The following CNBD1 variants were observed in gnomAD, a reference collection of about 807,000 sequenced individuals.
CNBD1 encodes the protein cyclic nucleotide binding domain containing 1.
In CNBD1, 71 loss-of-function variants were observed where a neutral mutation model predicts 54.4. That is an observed-to-expected ratio of 1.30 (90% CI 1.08 to 1.59). The LOEUF is 1.59. Among genes scored for constraint, CNBD1 ranks in the 40% most tolerant of loss-of-function variants. The probability of loss-of-function intolerance (pLI) is 0.00; values close to 1 mark genes in which losing one functional copy is unlikely to be tolerated. For synonymous variants in CNBD1, 182 were observed against 170.7 expected (o/e 1.07, Z -0.51); for missense variants, 659 against 518.0 (o/e 1.27, Z -2.64).
chr8:87,110,651 G>A (rs1009446115), intron 4 of CNBD1, among the ~76,000 whole-genome samples: 40 of 152,300 alleles, frequency 2.6e-4, no homozygotes, highest in African/African-American at 9.6e-4. Flanking sequence ...CCGAGTACAT[G>A]CCACTTCTGT....
At chr8:87,052,377 C>T (rs965382308) in intron 4 of CNBD1, among the ~76,000 whole-genome samples, 13 of 152,158 alleles carry the variant, frequency 8.5e-5, no homozygotes, top group East Asian at 3.9e-4. Context: ...GTAAAGCTTC[C>T]CTCAGACTTT....
At chr8:87,038,932 A>T (rs1810005470) in intron 4 of CNBD1, among the ~76,000 whole-genome samples, 1 of 152,124 alleles carries the variant, frequency 6.6e-6, no homozygotes, top group Admixed American at 6.5e-5. Context: ...GCTGCCTCTG[A>T]TTCTTAAGCT....
intron 4 of CNBD1, among the ~76,000 whole-genome samples, chr8:87,054,466 T>C (rs1367600461): frequency 6.6e-6 from 1 of 152,142 alleles, no homozygotes; most frequent in Non-Finnish European, 1.5e-5. Flanking sequence ...TCTTGGAATC[T>C]CCCTGTTTCA....
chr8:86,886,736 C>A (rs920948111), intron 1 of CNBD1, among the ~76,000 whole-genome samples: 8 of 152,142 alleles, frequency 5.3e-5, no homozygotes, highest in Non-Finnish European at 1.2e-4. Flanking sequence ...CATTAAACCA[C>A]TGATTTTCTC....
chr8:87,162,431 G>A (rs530428946), intron 4 of CNBD1, among the ~76,000 whole-genome samples: 2 of 152,110 alleles, frequency 1.3e-5, no homozygotes, highest in African/African-American at 2.4e-5. Context: ...ATCTGCATAA[G>A]TTGGAGAAAT....
At chr8:87,421,095 TA>T (rs1807926381) in intron 2 of CNBD1, among the ~76,000 whole-genome samples, 1 of 152,074 alleles carries the variant, frequency 6.6e-6, no homozygotes. Context: ...AGTAGATAGA[TA>T]TTTTTTCAAT....
intron 3 of CNBD1, among the ~76,000 whole-genome samples, chr8:86,923,642 C>T (rs1174318960): frequency 6.6e-6 from 1 of 152,138 alleles, no homozygotes; most frequent in African/African-American, 2.4e-5. Context: ...TGCCTCCAGA[C>T]CCCATTCTCC....
At chr8:87,370,708 C>T (rs1017886266) in intron 10 of CNBD1, among the ~76,000 whole-genome samples, 1 of 150,052 alleles carries the variant, frequency 6.7e-6, no homozygotes. Flanking sequence ...GTTTCTTTTG[C>T]TGTGCAGAAG....
At chr8:86,898,203 T>TGACAC (rs1433464343) in intron 2 of CNBD1, among the ~76,000 whole-genome samples, 1 of 152,148 alleles carries the variant, frequency 6.6e-6, no homozygotes, top group East Asian at 1.9e-4. Flanking sequence ...CACTGAAATG[T>TGACAC]ATATAAAGAC....
rs1276406016 is a variant in CNBD1, at chr8:87,226,259, T to A, written c.578-10660T>A. On this transcript the variant is annotated intron_variant, in intron 5 of 10. Coordinates refer to ENST00000518476, the MANE Select transcript of CNBD1 (RefSeq NM_173538.3). ...ATTTCCTTCAGTTCTGCTCTGATTT[T>A]AGTTATTTCTTGCCTTCTGCTAGCT... Among the ~76,000 whole-genome samples, 11 of 151,536 alleles carry A rather than the reference T, an allele frequency of 7.3e-5. No individual in the cohort carries two copies. The East Asian group carries it at 2.1e-3, about 29-fold the overall frequency.
In CNBD1 at chr8:87,335,635, CA is replaced by C. The variant is rs533598930; in HGVS notation, c.1043-16048del. Among the ~76,000 whole-genome samples the C allele has an allele frequency of 9.2e-5, 14 of 152,130 alleles. No homozygotes were observed. In the South Asian group the frequency reaches 2.9e-3, roughly 32 times the overall value. ...GAGGGGTCTCTTGAATATAGCACAC[CA>C]ATGGGTCTTGACTCTTTATCCAATT... On this transcript the variant is annotated intron_variant, in intron 8 of 10. Transcript: ENST00000518476.
chr8:86,904,238 T>C (rs1014574652), intron 2 of CNBD1, among the ~76,000 whole-genome samples: 1 of 152,072 alleles, frequency 6.6e-6, no homozygotes. Context: ...CTAAGATGTT[T>C]GTCAGTGTTC....
At chr8:87,119,957 A>ATG (rs1246718995) in intron 4 of CNBD1, among the ~76,000 whole-genome samples, 1 of 151,782 alleles carries the variant, frequency 6.6e-6, no homozygotes, top group Admixed American at 6.6e-5. Flanking sequence ...TATCTTTTTG[A>ATG]TGTACTGTTA....
intron 4 of CNBD1, among the ~76,000 whole-genome samples, chr8:87,158,474 G>A (rs1563490388): frequency 2.0e-5 from 3 of 152,200 alleles, no homozygotes; most frequent in Admixed American, 2.0e-4. Flanking sequence ...CAAGGAGCTT[G>A]TGCTAAACAG....
intron 2 of CNBD1, among the ~76,000 whole-genome samples, chr8:87,416,287 C>A (rs1395725941): frequency 6.6e-6 from 1 of 151,848 alleles, no homozygotes; most frequent in African/African-American, 2.4e-5. Context: ...AAAATAAGGA[C>A]CTTCAAACAT....
At chr8:86,935,688 T>G (rs1030260852) in intron 3 of CNBD1, among the ~76,000 whole-genome samples, 1 of 152,184 alleles carries the variant, frequency 6.6e-6, no homozygotes, top group Admixed American at 6.5e-5. Context: ...GCAAGATTAT[T>G]AGATTTCTAA....
chr8:87,276,071 C>T (rs1405597168), intron 6 of CNBD1, among the ~76,000 whole-genome samples: 2 of 151,834 alleles, frequency 1.3e-5, no homozygotes, highest in Non-Finnish European at 2.9e-5. Flanking sequence ...ATATAACCCT[C>T]ACAGTAGGAA....
At chr8:87,126,620 C>A (rs1047957053) in intron 4 of CNBD1, among the ~76,000 whole-genome samples, 1 of 151,910 alleles carries the variant, frequency 6.6e-6, no homozygotes, top group Non-Finnish European at 1.5e-5. Context: ...TAAATACAAT[C>A]ATTTTTGAAG....
intron 8 of CNBD1, among the ~76,000 whole-genome samples, chr8:87,329,776 T>G (rs905085781): frequency 6.6e-6 from 1 of 151,992 alleles, no homozygotes; most frequent in Non-Finnish European, 1.5e-5. Flanking sequence ...TATTATCCCT[T>G]ATTAGTTCCA....
Sources: allele counts gnomAD v4.1 joint callset (sites outside exome capture counted in the v4.1 genomes callset), GRCh38; gene constraint gnomAD v4.1.1; transcripts MANE v1.5; gene names NCBI Gene and HGNC (gene_info 2026-07-23, HGNC 2026-07-21).